Variants in RAB27A observed in about 807,000 individuals in gnomAD.
RAB27A encodes RAB27A, member RAS oncogene family, also known as ras-related protein Rab-27A.
A neutral mutation model predicts 20.8 loss-of-function variants in RAB27A; 17 were observed. The ratio of observed to expected loss-of-function variants is 0.82; its 90% CI spans 0.56 to 1.23. RAB27A has a LOEUF of 1.23. RAB27A is among the 50% of genes most tolerant of loss of function. The pLI, the probability that RAB27A is intolerant of heterozygous loss-of-function variation, is 0.00. For synonymous variants in RAB27A, 85 were observed against 92.8 expected (o/e 0.92, Z 0.48); for missense variants, 277 against 266.7 (o/e 1.04, Z -0.27).
chr15:55,289,899 C>T (rs1332266486), upstream of RAB27A: 1 of 152,100 alleles, frequency 6.6e-6, no homozygotes, highest in Non-Finnish European at 1.5e-5. Flanking sequence ...CCTGTCACCT[C>T]GGGAGCGGCC....
intron 5 of RAB27A, 145 bp from the exon 6 acceptor site, chr15:55,224,157 C>A: frequency 1.5e-6 from 1 of 657,032 alleles, no homozygotes; most frequent in South Asian, 1.8e-5. Flanking sequence ...CATCAGTAAT[C>A]TTATCTGTAA....
chr15:55,301,413 A>G (rs1183418056), intron 2 of RAB27A, among the ~76,000 whole-genome samples: 1 of 152,022 alleles, frequency 6.6e-6, no homozygotes, highest in Non-Finnish European at 1.5e-5. Context: ...ATGCAGTATC[A>G]TATTTTAATG....
intron 2 of RAB27A, 131 bp from the exon 3 acceptor site, chr15:55,235,087 G>A (rs1374483626): frequency 4.1e-6 from 3 of 730,604 alleles, no homozygotes; most frequent in Non-Finnish European, 4.6e-6. Context: ...TATGAAAAGA[G>A]AGTTACATAC....
At chr15:55,285,836 C>G (rs1898137372) in intron 1 of RAB27A, among the ~76,000 whole-genome samples, 1 of 152,158 alleles carries the variant, frequency 6.6e-6, no homozygotes, top group Non-Finnish European at 1.5e-5. Context: ...CTTAAATTAG[C>G]ACAAGAGGCC....
intron 2 of RAB27A, among the ~76,000 whole-genome samples, chr15:55,298,339 T>C (rs1225829331): frequency 6.6e-6 from 1 of 151,774 alleles, no homozygotes; most frequent in Non-Finnish European, 1.5e-5. Flanking sequence ...AAGAGAGAAA[T>C]TTTAAAGCTG....
At chr15:55,277,330 A>T (rs1897902053) in intron 1 of RAB27A, among the ~76,000 whole-genome samples, 1 of 152,092 alleles carries the variant, frequency 6.6e-6, no homozygotes, top group Admixed American at 6.6e-5. Context: ...GCCCTTGTAA[A>T]ACAACGTCCA....
chr15:55,284,042 T>C (rs1448744800), intron 1 of RAB27A, among the ~76,000 whole-genome samples: 3 of 152,220 alleles, frequency 2.0e-5, no homozygotes, highest in Non-Finnish European at 4.4e-5. Flanking sequence ...TGCTTTGACC[T>C]GGCAGCTGGT....
chr15:55,215,304 T>C (rs1895227432), intron 6 of RAB27A, among the ~76,000 whole-genome samples: 1 of 152,156 alleles, frequency 6.6e-6, no homozygotes, highest in Admixed American at 6.5e-5. Flanking sequence ...TGAAAGTACT[T>C]TGAAAACTAT....
chr15:55,226,815 C>A (rs1026592340), intron 5 of RAB27A, among the ~76,000 whole-genome samples: 21 of 150,370 alleles, frequency 1.4e-4, no homozygotes, highest in African/African-American at 5.2e-4. Context: ...TTGCAGTGAG[C>A]CGAGACTGCA....
chr15:55,247,760 T>C (rs1896742496), intron 2 of RAB27A, among the ~76,000 whole-genome samples: 1 of 152,076 alleles, frequency 6.6e-6, no homozygotes. Context: ...CAAACATCCA[T>C]GAGTTGGCAG....
intron 2 of RAB27A, among the ~76,000 whole-genome samples, chr15:55,238,681 G>C (rs1896362625): frequency 7.1e-6 from 1 of 141,556 alleles, no homozygotes; most frequent in Non-Finnish European, 1.5e-5. Flanking sequence ...ACTCTGGCCA[G>C]CTTAAAACAT....
intron 4 of RAB27A, 135 bp downstream of exon 4, chr15:55,230,266 T>C: frequency 3.7e-6 from 3 of 817,326 alleles, no homozygotes; most frequent in Non-Finnish European, 6.4e-6. Flanking sequence ...ACTTGACAAA[T>C]TTCCTGCTAA....
upstream of RAB27A, among the ~76,000 whole-genome samples, chr15:55,290,754 CAGG>C (rs995838204): frequency 1.3e-5 from 2 of 152,228 alleles, no homozygotes; most frequent in African/African-American, 4.8e-5. Context: ...TCTCAGTGGC[CAGG>C]AGGTGTGAAC....
At chr15:55,251,918 C>A (rs1397610883) in intron 2 of RAB27A, among the ~76,000 whole-genome samples, 1 of 152,042 alleles carries the variant, frequency 6.6e-6, no homozygotes, top group Non-Finnish European at 1.5e-5. Flanking sequence ...AAGGAGAAAG[C>A]GGCATGAGGT....
intron 2 of RAB27A, among the ~76,000 whole-genome samples, chr15:55,302,802 C>T (rs1227318037): frequency 5.0e-5 from 7 of 140,632 alleles, no homozygotes; most frequent in East Asian, 2.4e-4. Context: ...TCTGCCCGGC[C>T]GCCCCGTCTG....
intron 1 of RAB27A, among the ~76,000 whole-genome samples, chr15:55,275,416 C>G (rs1486679444): frequency 6.6e-6 from 1 of 152,110 alleles, no homozygotes; most frequent in African/African-American, 2.4e-5. Context: ...CACTTGAGGG[C>G]AGGAGTTTGA....
chr15:55,208,638 G>A (rs1396880372), intron 6 of RAB27A, among the ~76,000 whole-genome samples: 1 of 151,916 alleles, frequency 6.6e-6, no homozygotes. Context: ...TCCCTCAGGA[G>A]AGAGGAAATC....
intron 1 of RAB27A, among the ~76,000 whole-genome samples, chr15:55,318,324 T>TC (rs2055077306): frequency 1.3e-5 from 2 of 151,128 alleles, no homozygotes; most frequent in African/African-American, 4.8e-5. Flanking sequence ...GTCTCGATCC[T>TC]CTGACCTCCT....
At chr15:55,317,159 A>G (rs1456301761) in intron 1 of RAB27A, 1 of 152,184 alleles carries the variant, frequency 6.6e-6, no homozygotes, top group Non-Finnish European at 1.5e-5. Flanking sequence ...TGACAAATAT[A>G]CAATAAACAT....
Sources: allele counts gnomAD v4.1 joint callset (sites outside exome capture counted in the v4.1 genomes callset), GRCh38; gene constraint gnomAD v4.1.1; transcripts MANE v1.5; gene names NCBI Gene and HGNC (gene_info 2026-07-23, HGNC 2026-07-21).